Variants in BMPR1A observed in about 807,000 individuals in gnomAD.
The protein encoded by BMPR1A is bone morphogenetic protein receptor type 1A.
BMPR1A carries 7 observed loss-of-function variants against 66.0 expected under a neutral mutation model. The observed-to-expected ratio is 0.11, with a 90% CI of 0.06 to 0.20. The LOEUF (loss-of-function observed/expected upper bound fraction) is 0.20, where lower values mean the gene tolerates loss of function less well. Ranked by LOEUF, BMPR1A falls within the 10% of genes least tolerant of loss-of-function variation. The pLI, the probability that BMPR1A is intolerant of heterozygous loss-of-function variation, is 1.00. For synonymous variants in BMPR1A, 200 were observed against 229.7 expected (o/e 0.87, Z 1.17); for missense variants, 408 against 669.1 (o/e 0.61, Z 4.31).
At chr10:86,915,489 C>T (rs1014987418) in intron 8 of BMPR1A, among the ~76,000 whole-genome samples, 64 of 152,088 alleles carry the variant, frequency 4.2e-4, no homozygotes, top group African/African-American at 1.5e-3. Flanking sequence ...TAAAAACTTA[C>T]AGGCTGAGGC....
At chr10:86,865,352 T>C (rs141611350) in intron 2 of BMPR1A, among the ~76,000 whole-genome samples, 1,836 of 152,118 alleles carry the variant, frequency 0.012, 47 homozygotes, top group African/African-American at 0.042. Flanking sequence ...GAAAGTCCTT[T>C]TCCTGGCTCA....
chr10:86,787,831 T>C (rs1315507104), intron 1 of BMPR1A, among the ~76,000 whole-genome samples: 1 of 152,080 alleles, frequency 6.6e-6, no homozygotes, highest in African/African-American at 2.4e-5. Flanking sequence ...TGCCACATGC[T>C]TCCAGATCTC....
At chr10:86,757,678 C>G (rs1232209960) in intron 1 of BMPR1A, among the ~76,000 whole-genome samples, 1 of 152,174 alleles carries the variant, frequency 6.6e-6, no homozygotes, top group Non-Finnish European at 1.5e-5. Flanking sequence ...CTCTTTTAAG[C>G]GGTTAACAAA....
intron 1 of BMPR1A, among the ~76,000 whole-genome samples, chr10:86,779,136 C>A (rs7096774): frequency 0.28 from 42,241 of 151,826 alleles, 7,376 homozygotes; most frequent in East Asian, 0.72. Context: ...TTATCCATTC[C>A]TCTGTTATTA....
intron 1 of BMPR1A, among the ~76,000 whole-genome samples, chr10:86,819,418 C>T (rs1454128516): frequency 2.0e-5 from 3 of 152,126 alleles, no homozygotes; most frequent in Admixed American, 6.5e-5. Flanking sequence ...TCAAGCGATT[C>T]TCCTGCCTCA....
At chr10:86,816,098 G>A (rs948787236) in intron 1 of BMPR1A, among the ~76,000 whole-genome samples, 2 of 152,140 alleles carry the variant, frequency 1.3e-5, no homozygotes, top group African/African-American at 4.8e-5. Context: ...GAAATGTTGG[G>A]GTTGTTACCA....
intron 1 of BMPR1A, among the ~76,000 whole-genome samples, chr10:86,759,993 ACT>A (rs1229332720): frequency 3.6e-5 from 4 of 110,264 alleles, no homozygotes. Flanking sequence ...CCACCCCCTA[ACT>A]CTAAATCAAG....
At chr10:86,907,550 A>G (rs1172843842) in intron 7 of BMPR1A, among the ~76,000 whole-genome samples, 2 of 126,696 alleles carry the variant, frequency 1.6e-5, no homozygotes. Context: ...ACTATTCATA[A>G]TGGCCAAGAT....
intron 1 of BMPR1A, among the ~76,000 whole-genome samples, chr10:86,795,997 G>T (rs891855079): frequency 2.6e-5 from 4 of 152,158 alleles, no homozygotes; most frequent in Non-Finnish European, 5.9e-5. Context: ...TTTCAGAAAG[G>T]TAGTGGTAAA....
At position 86,899,901 on chromosome 10, in the gene BMPR1A, C is replaced by A. The variant is rs762244358; in HGVS notation, c.430+11C>A. The A allele has an allele frequency of 6.2e-7, 1 of 1,613,038 alleles. No homozygotes were observed. The highest frequency in any genetic ancestry group is 8.5e-7 in the Non-Finnish European group (1 of 1,179,030). ...CCCCTGTTGTCATAGGTAGGTTAGC[C>A]GAGAAAAGTCGGAGCATGCTTCTCA... is the stretch of plus-strand genomic sequence containing the variant. On this transcript the variant is annotated intron_variant, in intron 6 of 12. Transcript: ENST00000372037.
intron 2 of BMPR1A, among the ~76,000 whole-genome samples, chr10:86,858,726 G>T (rs1207213666): frequency 6.6e-6 from 1 of 152,094 alleles, no homozygotes; most frequent in Admixed American, 6.6e-5. Flanking sequence ...CCAAGGAGGT[G>T]AAAGATCTCT....
chr10:86,853,168 T>G (rs1223315957), intron 2 of BMPR1A, among the ~76,000 whole-genome samples: 1 of 151,978 alleles, frequency 6.6e-6, no homozygotes, highest in African/African-American at 2.4e-5. Context: ...ACAATGAAAA[T>G]TGACACAGAG....
At chr10:86,828,322 A>G (rs1282120801) in intron 1 of BMPR1A, among the ~76,000 whole-genome samples, 2 of 152,232 alleles carry the variant, frequency 1.3e-5, no homozygotes, top group African/African-American at 4.8e-5. Flanking sequence ...CAGGGATGAC[A>G]TAAAGGAGAA....
chr10:86,762,445 G>A (rs1026616200), intron 1 of BMPR1A, among the ~76,000 whole-genome samples: 3 of 151,644 alleles, frequency 2.0e-5, no homozygotes, highest in Non-Finnish European at 2.9e-5. Context: ...TGCAACCTCC[G>A]CCTCCTGGGT....
intron 8 of BMPR1A, among the ~76,000 whole-genome samples, chr10:86,913,583 C>T (rs1469530616): frequency 6.6e-6 from 1 of 152,110 alleles, no homozygotes; most frequent in Non-Finnish European, 1.5e-5. Flanking sequence ...ATGACTTTAT[C>T]AGGTTGCAGA....
intron 10 of BMPR1A, 45 bp downstream of exon 10, chr10:86,919,514 C>CA: frequency 6.3e-7 from 1 of 1,596,356 alleles, no homozygotes. Context: ...TTTTAATTTC[C>CA]AAAAGATATT....
chr10:86,787,882 G>GC (rs34964359), intron 1 of BMPR1A, among the ~76,000 whole-genome samples: 42,620 of 149,246 alleles, frequency 0.29, 7,104 homozygotes, highest in East Asian at 0.71. Flanking sequence ...GGGGAAATCT[G>GC]CCCCCCCCCA....
Position 86,790,565 on chromosome 10 carries a change from TAAAC to T in BMPR1A, c.-268+33650_-268+33653del, listed in dbSNP as rs570843096. Among the ~76,000 whole-genome samples the T allele has an allele frequency of 2.9e-4, 44 of 152,098 alleles. No homozygotes were observed. The South Asian group carries it at 6.4e-3, about 22-fold the overall frequency. ...CCCAAATGTCCAACCGATAAATAGA[TAAAC>T]AAAATGTGGTCTGTCTAGGCAATGG... is the stretch of plus-strand genomic sequence containing the variant. On this transcript the variant is annotated intron_variant, in intron 1 of 12. Coordinates refer to ENST00000372037, the MANE Select transcript of BMPR1A (RefSeq NM_004329.3).
chr10:86,793,023 C>G (rs916249381), intron 1 of BMPR1A, among the ~76,000 whole-genome samples: 22 of 152,004 alleles, frequency 1.4e-4, no homozygotes, highest in Non-Finnish European at 2.6e-4. Flanking sequence ...TTGTTTCTTT[C>G]TGGTAAGTCT....
Sources: gnomAD v4.1 joint callset for allele counts (sites outside exome capture counted in the v4.1 genomes callset) on GRCh38, gnomAD v4.1.1 for gene constraint, MANE v1.5 for transcripts, NCBI Gene and HGNC (gene_info 2026-07-23, HGNC 2026-07-21) for gene names.